The following CD44 variants were observed in gnomAD, a reference collection of about 807,000 sequenced individuals.
CD44 encodes CD44 molecule (IN blood group), also known as CD44 antigen.
CD44 carries 49 observed loss-of-function variants against 88.8 expected under a neutral mutation model. The ratio of observed to expected loss-of-function variants is 0.55; its 90% CI spans 0.44 to 0.70. CD44 has a LOEUF of 0.70. CD44 is among the 30% of genes least tolerant of loss of function. CD44 has a pLI of 0.00. For synonymous variants in CD44, 325 were observed against 312.3 expected (o/e 1.04, Z -0.43); for missense variants, 883 against 913.8 (o/e 0.97, Z 0.43).
chr11:35,189,587 A>G (rs566158961), intron 4 of CD44, among the ~76,000 whole-genome samples: 2 of 152,302 alleles, frequency 1.3e-5, no homozygotes, highest in South Asian at 2.1e-4. Context: ...CCAGAGCTCT[A>G]TGAAGCTAGG....
At chr11:35,216,322 C>T (rs920272251) in intron 15 of CD44, among the ~76,000 whole-genome samples, 7 of 152,080 alleles carry the variant, frequency 4.6e-5, no homozygotes, top group African/African-American at 1.2e-4. Flanking sequence ...TGTGGTCTCC[C>T]TGAACATCAT....
intron 10 of CD44, chr11:35,205,886 T>C: frequency 6.8e-6 from 8 of 1,174,316 alleles, no homozygotes; most frequent in Non-Finnish European, 8.4e-6. Flanking sequence ...GTTAATGCTT[T>C]TGTGTCCTCC....
intron 1 of CD44, among the ~76,000 whole-genome samples, chr11:35,160,102 G>A (rs148143394): frequency 2.8e-4 from 42 of 152,306 alleles, no homozygotes; most frequent in Middle Eastern, 6.8e-3. Flanking sequence ...ATGCCTCCCA[G>A]CTTCCCATTC....
In CD44 at chr11:35,219,118, A is replaced by G. The variant is rs1245002531; in HGVS notation, c.1874-198A>G. 6.9e-6 allele frequency: 4 copies of G among 576,332 alleles called. No homozygotes were observed. The East Asian group carries it at 1.2e-4, about 17-fold the overall frequency. 35.7% of individuals were successfully genotyped at this position (576,332 alleles called of 1,614,324 possible). On this transcript the variant is annotated intron_variant, in intron 15 of 17. Coordinates refer to ENST00000428726, the MANE Select transcript of CD44 (RefSeq NM_000610.4). The stretch of plus-strand genomic sequence containing the variant: ...CTCATGTTCCTTGACACAAAATAAC[A>G]TTACTAAGCCTTAGCCTTAATCAAA...
At chr11:35,211,562 T>C (rs1948391990) in intron 14 of CD44, 113 bp downstream of exon 14, 1 of 716,922 alleles carries the variant, frequency 1.4e-6, no homozygotes, top group East Asian at 2.7e-5. Flanking sequence ...GTTTGTGATA[T>C]GGAAATATCT....
chr11:35,208,464 C>T (rs1948096691), intron 12 of CD44, among the ~76,000 whole-genome samples: 1 of 152,172 alleles, frequency 6.6e-6, no homozygotes, highest in South Asian at 2.1e-4. Context: ...ACTCCATTTT[C>T]ATTCTCTAAG....
At chr11:35,199,934 G>GTTTTT (rs60509735) in intron 7 of CD44, among the ~76,000 whole-genome samples, 49 of 90,846 alleles carry the variant, frequency 5.4e-4, no homozygotes, top group East Asian at 1.3e-3. Flanking sequence ...CCATGGTGTT[G>GTTTTT]TTTTTTTTTT....
chr11:35,186,860 C>G lies in CD44; in HGVS notation c.396C>G (p.Val132=), dbSNP rs1416232586. 1.2e-6 allele frequency: 2 copies of G among 1,607,760 alleles called. No homozygotes were observed. The highest frequency in any genetic ancestry group is 1.7e-6 in the Non-Finnish European group (2 of 1,174,352). The change falls in exon 4 of 18, where the codon GTC becomes GTG. Residue 132 remains valine (V), a synonymous_variant. Coordinates refer to ENST00000428726, the MANE Select transcript of CD44 (RefSeq NM_000610.4). ...SAPPEEDCTS[V]TDLPNAFDGP... ...CACCTGAAGAAGATTGTACATCAGT[C>G]ACAGACCTGCCCAATGCCTTTGATG...
chr11:35,208,041 C>A, intron 11 of CD44, 64 bp from the exon 12 acceptor site: 1 of 981,032 alleles, frequency 1.0e-6, no homozygotes, highest in South Asian at 1.3e-5. Context: ...AGCTGTAGAC[C>A]ATAAGCCACC....
At chr11:35,218,181 C>T (rs535452585) in intron 15 of CD44, among the ~76,000 whole-genome samples, 5 of 152,078 alleles carry the variant, frequency 3.3e-5, no homozygotes, top group Admixed American at 3.3e-4. Context: ...ATACTTCCTC[C>T]CAGTTTAAGG....
At chr11:35,175,642 A>G (rs1284818435) in intron 1 of CD44, among the ~76,000 whole-genome samples, 1 of 152,208 alleles carries the variant, frequency 6.6e-6, no homozygotes, top group Non-Finnish European at 1.5e-5. Flanking sequence ...TGTGTTTTGT[A>G]AGTTTTCTGT....
At chr11:35,215,854 A>T (rs1948789434) in intron 15 of CD44, among the ~76,000 whole-genome samples, 1 of 151,684 alleles carries the variant, frequency 6.6e-6, no homozygotes, top group Middle Eastern at 3.2e-3. Flanking sequence ...CCTGGGTGAC[A>T]GAGCAAGACT....
At chr11:35,173,399 T>C (rs1944120567) in intron 1 of CD44, among the ~76,000 whole-genome samples, 1 of 152,200 alleles carries the variant, frequency 6.6e-6, no homozygotes, top group African/African-American at 2.4e-5. Flanking sequence ...TAAAAACAAA[T>C]AGTATTGCAA....
rs530646140 is a variant in CD44, at chr11:35,154,971, C to T, written c.67+15601C>T. On this transcript the variant is annotated intron_variant, in intron 1 of 17. Coordinates refer to ENST00000428726, the MANE Select transcript of CD44 (RefSeq NM_000610.4). ...CCCAGTGTCTTCCTGCAATTTAGCACCCCTCATGTTCCTAAACTAAATCCC... is the reference window on the plus strand; with the variant it reads ...CCCAGTGTCTTCCTGCAATTTAGCATCCCTCATGTTCCTAAACTAAATCCC... Among the ~76,000 whole-genome samples, 4 of 152,230 alleles carry T rather than the reference C, an allele frequency of 2.6e-5. No homozygotes were observed. In the South Asian group the frequency reaches 8.3e-4, roughly 32 times the overall value.
intron 11 of CD44, 62 bp downstream of exon 11, chr11:35,206,305 T>G: frequency 1.3e-6 from 2 of 1,499,498 alleles, no homozygotes; most frequent in Non-Finnish European, 1.8e-6. Context: ...GACTGCTGAC[T>G]ATTTTTCTAG....
intron 9 of CD44, 136 bp downstream of exon 9, chr11:35,201,923 A>G: frequency 1.0e-6 from 1 of 963,898 alleles, no homozygotes; most frequent in Non-Finnish European, 1.5e-6. Context: ...TAGAGCCTGA[A>G]AAGCTGCTAA....
At chr11:35,187,581 A>G (rs1358109500) in intron 4 of CD44, among the ~76,000 whole-genome samples, 1 of 152,256 alleles carries the variant, frequency 6.6e-6, no homozygotes, top group Non-Finnish European at 1.5e-5. Context: ...CGTAAATAGA[A>G]GGCAACCTTA....
chr11:35,150,067 C>T (rs1860007286), intron 1 of CD44, among the ~76,000 whole-genome samples: 1 of 94,120 alleles, frequency 1.1e-5, no homozygotes, highest in Non-Finnish European at 2.0e-5. Context: ...TTATATTGTA[C>T]TTTAAAAACA....
At chr11:35,192,075 G>A (rs1043762302) in intron 5 of CD44, among the ~76,000 whole-genome samples, 2 of 152,210 alleles carry the variant, frequency 1.3e-5, no homozygotes, top group Admixed American at 1.3e-4. Flanking sequence ...GAAAAGGAGT[G>A]TTTATGAGAT....
Sources: gnomAD v4.1 joint callset for allele counts (sites outside exome capture counted in the v4.1 genomes callset) on GRCh38, gnomAD v4.1.1 for gene constraint, MANE v1.5 for transcripts, NCBI Gene and HGNC (gene_info 2026-07-23, HGNC 2026-07-21) for gene names.